CTNNA3: variants seen among roughly 807,000 people sequenced by gnomAD.
The protein encoded by CTNNA3 is catenin alpha 3, also known as catenin alpha-3.
In CTNNA3, 76 loss-of-function variants were observed where a neutral mutation model predicts 95.7. The ratio of observed to expected loss-of-function variants is 0.79; its 90% CI spans 0.66 to 0.96. CTNNA3 has a LOEUF of 0.96. Ranked by LOEUF, CTNNA3 falls within the 40% of genes least tolerant of loss-of-function variation. The pLI is 0.00. For missense variants in CTNNA3, 1,191 were observed against 1,089.8 expected (o/e 1.09, Z -1.31); for synonymous variants, 431 against 374.4 (o/e 1.15, Z -1.74).
At chr10:67,245,521 CT>C (rs1358619314) in intron 5 of CTNNA3, among the ~76,000 whole-genome samples, 7 of 152,144 alleles carry the variant, frequency 4.6e-5, no homozygotes, top group African/African-American at 1.7e-4. Flanking sequence ...ACATATTTTA[CT>C]GATCACACAT....
At chr10:66,470,237 T>A (rs1165712274) in intron 11 of CTNNA3, among the ~76,000 whole-genome samples, 1 of 151,828 alleles carries the variant, frequency 6.6e-6, no homozygotes, top group African/African-American at 2.4e-5. Context: ...CTGTTGTTTT[T>A]AATCTGTAAA....
intron 7 of CTNNA3, among the ~76,000 whole-genome samples, chr10:67,172,296 G>C (rs1862055157): frequency 6.6e-6 from 1 of 152,146 alleles, no homozygotes. Flanking sequence ...TTGTCTGTTT[G>C]ATTCTCCTTG....
At chr10:67,689,831 G>C (rs1016809129) in intron 1 of CTNNA3, among the ~76,000 whole-genome samples, 1 of 152,152 alleles carries the variant, frequency 6.6e-6, no homozygotes, top group Non-Finnish European at 1.5e-5. Flanking sequence ...GGCCGCGCTA[G>C]TTGCTTTTAG....
chr10:65,939,170 G>A (rs188445644), intron 17 of CTNNA3, among the ~76,000 whole-genome samples: 13 of 152,244 alleles, frequency 8.5e-5, no homozygotes, highest in African/African-American at 2.9e-4. Context: ...CTCTCAAAGT[G>A]CTGGGATTAC....
chr10:66,036,542 T>C (rs1455125698), intron 15 of CTNNA3, among the ~76,000 whole-genome samples: 2 of 151,898 alleles, frequency 1.3e-5, no homozygotes, highest in Non-Finnish European at 2.9e-5. Context: ...GCCCTGCTAA[T>C]TTTTTGTATT....
At chr10:67,316,653 G>C (rs145210822) in intron 5 of CTNNA3, among the ~76,000 whole-genome samples, 25 of 152,232 alleles carry the variant, frequency 1.6e-4, no homozygotes, top group East Asian at 1.5e-3. Flanking sequence ...CATTGGTTGA[G>C]ATAATATAGC....
In CTNNA3 at chr10:67,492,165, C is replaced by T. The variant is rs114457188; in HGVS notation, c.579+29677G>A. 4.5e-3 allele frequency among the ~76,000 whole-genome samples: 686 copies of T among 151,326 alleles called. 8 individuals are homozygous for T. Among genetic ancestry groups the T allele is most frequent in the African/African-American group, 0.015 (637 of 41,198 alleles). On this transcript the variant is annotated intron_variant, in intron 5 of 17. Coordinates refer to ENST00000433211, the MANE Select transcript of CTNNA3 (RefSeq NM_013266.4). The stretch of plus-strand genomic sequence containing the variant: ...AATGAGAAGGAGAGAAAAGGAAGAG[C>T]AAGTTATGTTCTGGGCAATATCAAC...
chr10:67,489,521 G>A (rs1848574846), intron 5 of CTNNA3, among the ~76,000 whole-genome samples: 1 of 152,128 alleles, frequency 6.6e-6, no homozygotes, highest in Non-Finnish European at 1.5e-5. Flanking sequence ...AGCGTGGAAA[G>A]AGACCAAGAA....
At chr10:66,107,704 A>C (rs1445392004) in intron 13 of CTNNA3, among the ~76,000 whole-genome samples, 1 of 152,130 alleles carries the variant, frequency 6.6e-6, no homozygotes, top group Non-Finnish European at 1.5e-5. Context: ...ATCCCTAATG[A>C]AACAGGTGGC....
At chr10:66,024,365 A>T (rs2079294577) in intron 15 of CTNNA3, among the ~76,000 whole-genome samples, 1 of 152,208 alleles carries the variant, frequency 6.6e-6, no homozygotes, top group Non-Finnish European at 1.5e-5. Context: ...CTGGGATTAC[A>T]GGCGTGAGCC....
intron 1 of CTNNA3, among the ~76,000 whole-genome samples, chr10:67,724,547 AGAT>A (rs1841198176): frequency 6.6e-6 from 1 of 152,148 alleles, no homozygotes; most frequent in Admixed American, 6.5e-5. Flanking sequence ...CCAAAGCCAC[AGAT>A]GATACAGGGA....
At chr10:67,522,383 G>C (rs1840014732) in intron 4 of CTNNA3, among the ~76,000 whole-genome samples, 1 of 152,086 alleles carries the variant, frequency 6.6e-6, no homozygotes, top group Non-Finnish European at 1.5e-5. Flanking sequence ...AAATGTAGTT[G>C]CTTACACGAT....
chr10:66,836,705 T>C (rs183575419), intron 7 of CTNNA3, among the ~76,000 whole-genome samples: 116 of 152,242 alleles, frequency 7.6e-4, no homozygotes, highest in African/African-American at 2.6e-3. Context: ...ATGGAATGCA[T>C]GCTCTTAGAG....
At chr10:67,546,056 T>C (rs189706288) in intron 3 of CTNNA3, among the ~76,000 whole-genome samples, 3 of 152,244 alleles carry the variant, frequency 2.0e-5, no homozygotes, top group Admixed American at 2.0e-4. Flanking sequence ...GAGCTAAACA[T>C]CTCTTCAGAA....
intron 7 of CTNNA3, among the ~76,000 whole-genome samples, chr10:66,951,931 C>A (rs1164132383): frequency 2.6e-5 from 4 of 152,156 alleles, no homozygotes; most frequent in African/African-American, 9.7e-5. Flanking sequence ...CTTTAATGGA[C>A]ATAAGACCCT....
At chr10:67,016,198 C>T (rs1354059269) in intron 7 of CTNNA3, among the ~76,000 whole-genome samples, 1 of 152,124 alleles carries the variant, frequency 6.6e-6, no homozygotes, top group African/African-American at 2.4e-5. Flanking sequence ...GATCGCTACT[C>T]CTCTTTGAAT....
rs150213299 is a variant in CTNNA3, at chr10:66,399,706, T to C, written c.1532-20354A>G. Among the ~76,000 whole-genome samples the C allele has an allele frequency of 1.1e-4, 16 of 152,144 alleles. No individual in the cohort carries two copies. In the East Asian group the frequency reaches 2.3e-3, roughly 22 times the overall value. On this transcript the variant is annotated intron_variant, in intron 11 of 17. Coordinates refer to ENST00000433211, the MANE Select transcript of CTNNA3 (RefSeq NM_013266.4). ...TGCTGTATAAGACCTAATATCATTA[T>C]ATTTTCAATGAATAGTTATATGTAG...
At chr10:67,726,686 G>T (rs1363005496) in intron 1 of CTNNA3, among the ~76,000 whole-genome samples, 1 of 1,996 alleles carries the variant, frequency 5.0e-4, no homozygotes, top group Non-Finnish European at 8.3e-4. Flanking sequence ...TATAATATAT[G>T]ATGTATTATA....
intron 7 of CTNNA3, among the ~76,000 whole-genome samples, chr10:66,801,633 C>T (rs1452713141): frequency 1.3e-5 from 2 of 151,642 alleles, no homozygotes. Flanking sequence ...TCCCTATGCC[C>T]TATGCATGTA....
Sources: gnomAD v4.1 joint callset for allele counts (sites outside exome capture counted in the v4.1 genomes callset) on GRCh38, gnomAD v4.1.1 for gene constraint, MANE v1.5 for transcripts, NCBI Gene and HGNC (gene_info 2026-07-23, HGNC 2026-07-21) for gene names.